Variants in NRXN3 observed in about 807,000 individuals in gnomAD.
NRXN3 encodes neurexin III.
A neutral mutation model predicts 137.6 loss-of-function variants in NRXN3; 32 were observed. That is an observed-to-expected ratio of 0.23 (90% CI 0.18 to 0.31). NRXN3 has a LOEUF of 0.31. Ranked by LOEUF, NRXN3 falls within the 10% of genes least tolerant of loss-of-function variation. The pLI is 1.00. For missense variants in NRXN3, 1,574 were observed against 2,062.5 expected (o/e 0.76, Z 4.59); for synonymous variants, 798 against 784.5 (o/e 1.02, Z -0.29).
At chr14:79,290,796 C>A (rs183324639) in intron 15 of NRXN3, among the ~76,000 whole-genome samples, 3 of 152,124 alleles carry the variant, frequency 2.0e-5, no homozygotes, top group Non-Finnish European at 4.4e-5. Flanking sequence ...AAAAGCATTG[C>A]GGCTTCTTTA....
At chr14:79,291,512 G>T (rs1028408771) in intron 15 of NRXN3, among the ~76,000 whole-genome samples, 1 of 151,352 alleles carries the variant, frequency 6.6e-6, no homozygotes, top group African/African-American at 2.4e-5. Context: ...TAGCCACCAT[G>T]CCCAGCCCAT....
chr14:79,202,227 A>G (rs1531623), intron 15 of NRXN3, among the ~76,000 whole-genome samples: 4,236 of 151,928 alleles, frequency 0.028, 143 homozygotes, highest in East Asian at 0.096. Context: ...TCCTTGGGGG[A>G]AAAATGTGTG....
intron 16 of NRXN3, among the ~76,000 whole-genome samples, chr14:79,597,966 C>G (rs1295575037): frequency 6.6e-6 from 1 of 152,160 alleles, no homozygotes; most frequent in African/African-American, 2.4e-5. Flanking sequence ...TTCCAAGATG[C>G]CCGTTGGAAG....
intron 16 of NRXN3, among the ~76,000 whole-genome samples, chr14:79,572,308 C>T (rs1158404158): frequency 1.3e-5 from 2 of 152,078 alleles, no homozygotes; most frequent in African/African-American, 2.4e-5. Flanking sequence ...TCTAAGATAC[C>T]ACAGTAGTAT....
At chr14:78,230,786 C>T (rs1230469931) in intron 1 of NRXN3, among the ~76,000 whole-genome samples, 5 of 152,028 alleles carry the variant, frequency 3.3e-5, no homozygotes, top group East Asian at 1.9e-4. Context: ...GGTGTCAGAC[C>T]GTGGCCATGT....
chr14:78,430,808 A>C (rs535734662), intron 4 of NRXN3, among the ~76,000 whole-genome samples: 1 of 152,352 alleles, frequency 6.6e-6, no homozygotes, highest in Non-Finnish European at 1.5e-5. Flanking sequence ...AGACAGCTGA[A>C]GGTTGTGCTC....
At chr14:79,167,254 A>C (rs2061366114) in intron 15 of NRXN3, among the ~76,000 whole-genome samples, 1 of 152,036 alleles carries the variant, frequency 6.6e-6, no homozygotes, top group African/African-American at 2.4e-5. Context: ...CTGAAATAAA[A>C]CCAATAAACC....
At chr14:79,764,584 C>A (rs2099049950) in intron 19 of NRXN3, among the ~76,000 whole-genome samples, 1 of 152,202 alleles carries the variant, frequency 6.6e-6, no homozygotes, top group Non-Finnish European at 1.5e-5. Context: ...CCTAATAAAC[C>A]GTGCTGTTTT....
chr14:79,400,952 G>A (rs1303372814), intron 15 of NRXN3, among the ~76,000 whole-genome samples: 1 of 152,142 alleles, frequency 6.6e-6, no homozygotes, highest in African/African-American at 2.4e-5. Flanking sequence ...CAGGGTAAAT[G>A]TAGGACTCTG....
chr14:79,624,726 T>C (rs2098262825), intron 16 of NRXN3, among the ~76,000 whole-genome samples: 1 of 152,094 alleles, frequency 6.6e-6, no homozygotes, highest in Non-Finnish European at 1.5e-5. Flanking sequence ...TTACTATGTA[T>C]TTGACTGTTT....
intron 15 of NRXN3, among the ~76,000 whole-genome samples, chr14:79,037,648 G>A (rs546749047): frequency 1.3e-5 from 2 of 152,062 alleles, no homozygotes; most frequent in African/African-American, 4.8e-5. Context: ...CCTCTCCCTA[G>A]TGCCACATTG....
intron 19 of NRXN3, among the ~76,000 whole-genome samples, chr14:79,729,644 G>T (rs1312904296): frequency 6.6e-6 from 1 of 152,188 alleles, no homozygotes; most frequent in Non-Finnish European, 1.5e-5. Flanking sequence ...ATTGAAGGAG[G>T]TGTGCTGTGT....
intron 1 of NRXN3, among the ~76,000 whole-genome samples, chr14:78,176,325 G>A (rs534008014): frequency 6.0e-5 from 9 of 151,030 alleles, no homozygotes; most frequent in East Asian, 3.9e-4. Context: ...AGTAATAGTC[G>A]TGATATAGCT....
At chr14:78,420,490 A>G (rs2093396624) in intron 4 of NRXN3, among the ~76,000 whole-genome samples, 1 of 152,208 alleles carries the variant, frequency 6.6e-6, no homozygotes, top group African/African-American at 2.4e-5. Flanking sequence ...AACTAATGTG[A>G]ACAGTTTCCA....
In NRXN3 at chr14:78,957,374, A is replaced by G; in HGVS notation, c.2395+13A>G. On this transcript the variant is annotated intron_variant, in intron 11 of 20. Coordinates refer to ENST00000335750, the MANE Select transcript of NRXN3 (RefSeq NM_001330195.2). Reference sequence around the variant, plus strand: ...GATGTGGCTGAGGGTGAGTATGACTATGGTGAAATTCGTCTGTCTTTTCTC... The same window carrying G: ...GATGTGGCTGAGGGTGAGTATGACTGTGGTGAAATTCGTCTGTCTTTTCTC... 6.2e-7 allele frequency: 1 copy of G among 1,605,450 alleles called. No homozygotes were observed. Among genetic ancestry groups the G allele is most frequent in the South Asian group, 1.1e-5 (1 of 90,596 alleles).
intron 4 of NRXN3, among the ~76,000 whole-genome samples, chr14:78,478,729 A>G (rs954296603): frequency 2.0e-5 from 3 of 152,158 alleles, no homozygotes; most frequent in African/African-American, 4.8e-5. Context: ...GGAAATAATC[A>G]TGGGGTTGAG....
At chr14:78,899,171 C>T (rs114714897) in intron 10 of NRXN3, among the ~76,000 whole-genome samples, 1,773 of 152,014 alleles carry the variant, frequency 0.012, 30 homozygotes, top group African/African-American at 0.039. Context: ...TTTATCTAAT[C>T]CTCTGCTTTG....
intron 15 of NRXN3, among the ~76,000 whole-genome samples, chr14:79,019,500 C>T (rs550426566): frequency 6.6e-6 from 1 of 152,008 alleles, no homozygotes. Context: ...AAGAAAAGGG[C>T]CAGGGATAAT....
intron 10 of NRXN3, among the ~76,000 whole-genome samples, chr14:78,847,846 C>T (rs2099031789): frequency 6.6e-6 from 1 of 152,024 alleles, no homozygotes; most frequent in Non-Finnish European, 1.5e-5. Context: ...ATAGGCACAT[C>T]TATATACACT....
Sources: allele counts gnomAD v4.1 joint callset (sites outside exome capture counted in the v4.1 genomes callset), GRCh38; gene constraint gnomAD v4.1.1; transcripts MANE v1.5; gene names NCBI Gene and HGNC (gene_info 2026-07-23, HGNC 2026-07-21).